The following RGPD1 variants were observed in gnomAD, a reference collection of about 807,000 sequenced individuals.
RGPD1 encodes RANBP2-like and GRIP domain-containing protein 1.
RGPD1 carries 7 observed loss-of-function variants against 40.6 expected under a neutral mutation model. The ratio of observed to expected loss-of-function variants is 0.17; its 90% CI spans 0.10 to 0.32. RGPD1 has a LOEUF of 0.32. RGPD1 is among the 10% of genes least tolerant of loss of function. The probability of loss-of-function intolerance (pLI) is 1.00; values close to 1 mark genes in which losing one functional copy is unlikely to be tolerated. For missense variants in RGPD1, 50 were observed against 472.5 expected, an observed-to-expected ratio of 0.11 and a Z score of 8.29; for synonymous variants, 24 against 167.0, an observed-to-expected ratio of 0.14 and a Z score of 6.60.
chr2:86,943,875 G>A (rs190852597), intron 1 of RGPD1, among the ~76,000 whole-genome samples: 16 of 152,170 alleles, frequency 1.1e-4, no homozygotes, highest in African/African-American at 3.9e-4. Flanking sequence ...TTAGCCGGGC[G>A]TGGTGGTGCA....
intron 1 of RGPD1, among the ~76,000 whole-genome samples, chr2:86,944,339 A>G (rs984645753): frequency 1.3e-5 from 2 of 152,104 alleles, no homozygotes; most frequent in African/African-American, 4.8e-5. Flanking sequence ...GAATGTGATG[A>G]TAGAGTCTAA....
intron 1 of RGPD1, among the ~76,000 whole-genome samples, chr2:86,942,653 G>A (rs1403340436): frequency 1.4e-4 from 19 of 137,672 alleles, no homozygotes; most frequent in Non-Finnish European, 3.0e-4. Flanking sequence ...GCCTCGACCT[G>A]GCCGGGCGGC....
At chr2:86,930,973 G>A (rs547027913) in intron 1 of RGPD1, among the ~76,000 whole-genome samples, 1,641 of 108,078 alleles carry the variant, frequency 0.015, 50 homozygotes, top group African/African-American at 0.058. Context: ...GTAAAATAAG[G>A]ACTAGAAATT....
At chr2:86,945,121 G>C (rs1431443315) in intron 1 of RGPD1, among the ~76,000 whole-genome samples, 6 of 151,594 alleles carry the variant, frequency 4.0e-5, no homozygotes, top group South Asian at 2.1e-4. Flanking sequence ...AAAACCACTG[G>C]TCTAGACAGA....
At chr2:86,943,633 G>A (rs530541085) in intron 1 of RGPD1, among the ~76,000 whole-genome samples, 4 of 152,104 alleles carry the variant, frequency 2.6e-5, no homozygotes, top group Admixed American at 1.3e-4. Context: ...AATTTGATAG[G>A]ATGATCCATT....
In RGPD1 at chr2:86,942,436, C is replaced by T. The variant is rs377152874; in HGVS notation, c.72+128C>T. ...CTCAGGCGTCATGGCTCCCGACGGG[C>T]GCTGCTCCCTGGCGCGCTCTGTTGA... On this transcript the variant is annotated intron_variant, in intron 1 of 22. Transcript: ENST00000641458. 7.2e-4 allele frequency: 718 copies of T among 995,128 alleles called. 146 individuals are homozygous for T. Among genetic ancestry groups the T allele is most frequent in the South Asian group, 4.0e-3 (203 of 50,904 alleles). The allele number at this position is 995,128 out of a possible 1,614,324, so 61.6% of individuals were successfully genotyped here.
intron 22 of RGPD1, among the ~76,000 whole-genome samples, chr2:86,998,572 GTAGT>G (rs1172206433): frequency 0.011 from 619 of 54,696 alleles, no homozygotes; most frequent in East Asian, 0.027. Flanking sequence ...AAACTATGAT[GTAGT>G]TAGAGTTGGT....
At chr2:86,936,041 A>G (rs80225142) in intron 1 of RGPD1, among the ~76,000 whole-genome samples, 7,659 of 97,642 alleles carry the variant, frequency 0.078, 364 homozygotes, top group East Asian at 0.095. Flanking sequence ...GTCTCGTTCT[A>G]TCACCCAGGC....
intron 1 of RGPD1, among the ~76,000 whole-genome samples, chr2:86,947,518 G>A (rs1680394288): frequency 1.0e-5 from 1 of 97,064 alleles, no homozygotes; most frequent in Non-Finnish European, 2.2e-5. Context: ...TCTTGTTCTT[G>A]GTAACAAAGG....
chr2:86,942,383 CG>C (rs1679882664), intron 1 of RGPD1, 75 bp downstream of exon 1: 1 of 1,403,502 alleles, frequency 7.1e-7, no homozygotes, highest in African/African-American at 1.5e-5. Flanking sequence ...GCGGCGGCCT[CG>C]ACCTGGCCGG....
intron 1 of RGPD1, among the ~76,000 whole-genome samples, chr2:86,949,398 TG>T (rs1256170776): frequency 6.8e-6 from 1 of 146,472 alleles, no homozygotes; most frequent in African/African-American, 2.5e-5. Flanking sequence ...AGTGAAGAGG[TG>T]AGTTTTTGAC....
At position 86,931,130 on chromosome 2, in the gene RGPD1, G is replaced by A. The variant is rs371190897; in HGVS notation, c.72+17209G>A. Reference sequence around the variant, plus strand: ...TTTAAATGGCATCGACTCTGATAAAGTGATAATCTCAGCTCCATGATATAC... The same window carrying A: ...TTTAAATGGCATCGACTCTGATAAAATGATAATCTCAGCTCCATGATATAC... On this transcript the variant is annotated intron_variant, in intron 1 of 22. Coordinates refer to the RGPD1 transcript ENST00000398193. Among the ~76,000 whole-genome samples, 23 of 128,446 alleles carry A rather than the reference G, an allele frequency of 1.8e-4. No individual in the cohort carries two copies. The East Asian group carries it at 3.8e-3, about 21-fold the overall frequency. 84.3% of individuals were successfully genotyped at this position (128,446 alleles called of 152,430 possible).
Position 86,962,603 on chromosome 2 carries a change from C to T in RGPD1, c.780-426C>T, listed in dbSNP as rs935345210. On this transcript the variant is annotated intron_variant, in intron 6 of 22. Transcript: ENST00000641458. The stretch of plus-strand genomic sequence containing the variant: ...AATTGCTGTATTGATACTCAAATAC[C>T]TGTCAGTTATTTACTTATAATTTGG... 3.1e-5 allele frequency among the ~76,000 whole-genome samples: 4 copies of T among 130,786 alleles called. 1 individual carries two copies. Among genetic ancestry groups the T allele is most frequent in the Non-Finnish European group, 6.4e-5 (4 of 62,148 alleles). The allele number at this position is 130,786 out of a possible 152,430, so 85.8% of individuals were successfully genotyped here.
chr2:86,925,900 C>T (rs1425838871), intron 1 of RGPD1, among the ~76,000 whole-genome samples: 1 of 152,096 alleles, frequency 6.6e-6, no homozygotes, highest in African/African-American at 2.4e-5. Context: ...CCATTTTGCA[C>T]AAGATTGTTT....
chr2:86,920,067 T>C (rs1453656870), intron 1 of RGPD1, among the ~76,000 whole-genome samples: 1 of 152,080 alleles, frequency 6.6e-6, no homozygotes, highest in East Asian at 1.9e-4. Context: ...GACAATTTTC[T>C]TTTCTTTTCT....
intron 1 of RGPD1, among the ~76,000 whole-genome samples, chr2:86,944,464 G>A (rs1281768406): frequency 2.6e-5 from 4 of 151,378 alleles, no homozygotes; most frequent in South Asian, 2.1e-4. Flanking sequence ...ATGCAGTGGC[G>A]CTATCTCGAC....
chr2:86,957,245 T>C (rs1680796124), intron 4 of RGPD1, among the ~76,000 whole-genome samples: 1 of 149,898 alleles, frequency 6.7e-6, no homozygotes, highest in Admixed American at 6.7e-5. Flanking sequence ...CCTGAGATGA[T>C]ACTGTCTTCA....
intron 1 of RGPD1, among the ~76,000 whole-genome samples, chr2:86,923,290 T>C (rs1231539217): frequency 6.6e-6 from 1 of 151,714 alleles, no homozygotes; most frequent in Admixed American, 6.6e-5. Context: ...CTTCCTGACC[T>C]TGGTGTCCCA....
intron 1 of RGPD1, among the ~76,000 whole-genome samples, chr2:86,916,451 T>TGCA (rs1164790791): frequency 7.1e-5 from 8 of 113,334 alleles, no homozygotes; most frequent in Non-Finnish European, 1.5e-4. Context: ...TTTACTGAAG[T>TGCA]ATGTAGGCAG....
Sources: allele counts gnomAD v4.1 joint callset (sites outside exome capture counted in the v4.1 genomes callset), GRCh38; gene constraint gnomAD v4.1.1; transcripts MANE v1.5; gene names NCBI Gene and HGNC (gene_info 2026-07-23, HGNC 2026-07-21).